Variants in NTAN1 observed in about 807,000 individuals in gnomAD.
NTAN1 encodes the protein protein N-terminal asparagine amidohydrolase.
Under a neutral mutation model 41.9 loss-of-function variants are expected in NTAN1, and 32 were observed. The observed-to-expected ratio is 0.76, with a 90% CI of 0.58 to 1.03. The LOEUF (loss-of-function observed/expected upper bound fraction) is 1.03, where lower values mean the gene tolerates loss of function less well. Ranked by LOEUF, NTAN1 falls within the 50% of genes least tolerant of loss-of-function variation. NTAN1 has a pLI of 0.00. For synonymous variants in NTAN1, 140 were observed against 139.5 expected, an observed-to-expected ratio of 1.00 and a Z score of -0.03; for missense variants, 377 against 377.5, an observed-to-expected ratio of 1.00 and a Z score of 0.01.
In NTAN1 at chr16:15,047,836, T is replaced by C. The variant is rs1271196059; in HGVS notation, c.250+19A>G. 1 of 1,598,996 alleles carries C rather than the reference T, an allele frequency of 6.3e-7. No homozygotes were observed. ...TGGGTCAGTTTAAGTAATGGTTTCC[T>C]TCACCTCTCTCATCATACCTGTGTG... On this transcript the variant is annotated intron_variant, in intron 3 of 9. Coordinates refer to ENST00000287706, the MANE Select transcript of NTAN1 (RefSeq NM_173474.4).
At position 15,039,993 on chromosome 16, in the gene NTAN1, A is replaced by G; in HGVS notation, c.615T>C (p.Ala205=). Residue 205 remains alanine, a synonymous_variant, in exon 8 of 10, where the codon GCT becomes GCC. Transcript: ENST00000287706. ...CTGGTCCTCCTGCTAAAGTTCGCGC[A>G]GCACGAAGCTGCTCCTCCGGACCCC... The part of the protein sequence containing the change: ...QDRGPEEQLR[A]ARTLAGGPMI... 6.2e-7 allele frequency: 1 copy of G among 1,608,320 alleles called. No individual in the cohort carries two copies. Among genetic ancestry groups the G allele is most frequent in the South Asian group, 1.1e-5 (1 of 90,820 alleles).
Position 15,047,238 on chromosome 16 carries a change from G to GACTCCTTGCCTGTGCCCAGCACCC in NTAN1, c.359+180_359+203dup, listed in dbSNP as rs1303371691. ...AGCCTTCCATCTCAAATCCAGCACA[G>GACTCCTTGCCTGTGCCCAGCACCC]ACTCCTTGCCTGTGCCCAGCACCCA... On this transcript the variant is annotated intron_variant, in intron 4 of 9. Coordinates refer to ENST00000287706, the MANE Select transcript of NTAN1 (RefSeq NM_173474.4). 34 of 557,562 alleles carry GACTCCTTGCCTGTGCCCAGCACCC rather than the reference G, an allele frequency of 6.1e-5. No homozygotes were observed. In the East Asian group the frequency reaches 1.0e-3, roughly 16 times the overall value. 34.5% of individuals were successfully genotyped at this position (557,562 alleles called of 1,614,324 possible).
chr16:15,046,334 T>G (rs943129894), intron 4 of NTAN1, among the ~76,000 whole-genome samples: 2 of 152,174 alleles, frequency 1.3e-5, no homozygotes, highest in Non-Finnish European at 2.9e-5. Flanking sequence ...TGCCTTAGAC[T>G]TCCAGTAAAA....
In NTAN1 at chr16:15,037,902, A is replaced by ATT; in HGVS notation, c.*127_*128dup. 1 of 595,296 alleles carries ATT rather than the reference A, an allele frequency of 1.7e-6. No individual in the cohort carries two copies. The highest frequency in any genetic ancestry group is 3.0e-6 in the Non-Finnish European group (1 of 335,316). The allele number at this position is 595,296 out of a possible 1,614,324, so 36.9% of individuals were successfully genotyped here. On this transcript the variant is annotated 3_prime_UTR_variant, in exon 10 of 10. Transcript: ENST00000287706. ...TTTTGAAAGTCATTTGATGAAAGTCATTTGAAAGACACTGAGGAGGGAAGG... is the reference window on the plus strand; with the variant it reads ...TTTTGAAAGTCATTTGATGAAAGTCATTTTTGAAAGACACTGAGGAGGGAAGG...
chr16:15,055,860 G>A (rs1482596620), intron 1 of NTAN1, 31 bp downstream of exon 1: 8 of 1,163,968 alleles, frequency 6.9e-6, no homozygotes, highest in Admixed American at 4.3e-5. Flanking sequence ...CCTCGGGCCC[G>A]CCCCGAAGCC....
At chr16:15,055,512 G>A (rs1222063930) in intron 1 of NTAN1, among the ~76,000 whole-genome samples, 1 of 152,252 alleles carries the variant, frequency 6.6e-6, no homozygotes, top group East Asian at 1.9e-4. Flanking sequence ...GTTCACCGCA[G>A]GCTGCGGGTC....
At chr16:15,046,694 T>C (rs1468517211) in intron 4 of NTAN1, among the ~76,000 whole-genome samples, 2 of 81,188 alleles carry the variant, frequency 2.5e-5, no homozygotes, top group African/African-American at 4.9e-5. Flanking sequence ...ACCCTGTCTC[T>C]ACCAAAAAAA....
chr16:15,041,550 G>T, intron 6 of NTAN1, 73 bp downstream of exon 6: 1 of 989,254 alleles, frequency 1.0e-6, no homozygotes, highest in Non-Finnish European at 1.6e-6. Context: ...CGGTGCTTGG[G>T]CCCACTGCAA....
Position 15,047,376 on chromosome 16 carries a change from C to T in NTAN1, c.359+66G>A. 8.5e-6 allele frequency: 9 copies of T among 1,052,856 alleles called. No homozygotes were observed. In the South Asian group the frequency reaches 1.1e-4, roughly 13 times the overall value. The allele number at this position is 1,052,856 out of a possible 1,614,324, so 65.2% of individuals were successfully genotyped here. A position where few individuals can be genotyped will look rare whatever the true frequency, so the allele number is the denominator to read the frequency against. ...TCCTGTGTTCCCCTAACAGCTTCCA[C>T]AGCCACGTCCTGTATGCGACGGTTC... is the stretch of plus-strand genomic sequence containing the variant. On this transcript the variant is annotated intron_variant, in intron 4 of 9. Coordinates refer to ENST00000287706, the MANE Select transcript of NTAN1 (RefSeq NM_173474.4).
chr16:15,051,798 T>C (rs1325627888), intron 1 of NTAN1, among the ~76,000 whole-genome samples: 11 of 150,302 alleles, frequency 7.3e-5, no homozygotes. Flanking sequence ...ACTCCTGGGC[T>C]CAAGCAATCC....
chr16:15,046,223 C>A (rs2044054881), intron 4 of NTAN1, among the ~76,000 whole-genome samples: 1 of 152,356 alleles, frequency 6.6e-6, no homozygotes, highest in South Asian at 2.1e-4. Flanking sequence ...TTAGAATCGA[C>A]CAGTATTGAC....
chr16:15,055,744 T>C, intron 1 of NTAN1, 147 bp downstream of exon 1: 1 of 412,488 alleles, frequency 2.4e-6, no homozygotes, highest in Admixed American at 4.6e-5. Flanking sequence ...CCCCGACCCC[T>C]CAAGGGGAAG....
At chr16:15,039,926 C>CTTT (rs34345533) in intron 8 of NTAN1, 43 bp downstream of exon 8, 11 of 1,009,284 alleles carry the variant, frequency 1.1e-5, no homozygotes, top group Admixed American at 2.3e-5. Flanking sequence ...CATTTGATGC[C>CTTT]TTTTTTTTTT....
chr16:15,050,707 G>A (rs1312390117), intron 1 of NTAN1, among the ~76,000 whole-genome samples: 1 of 151,938 alleles, frequency 6.6e-6, no homozygotes, highest in Non-Finnish European at 1.5e-5. Context: ...ACTCCAGCCT[G>A]GGTGACAGAC....
chr16:15,055,222 C>T (rs981322535), intron 1 of NTAN1, among the ~76,000 whole-genome samples: 29 of 152,194 alleles, frequency 1.9e-4, no homozygotes, highest in Admixed American at 9.8e-4. Flanking sequence ...TGCCAACAGT[C>T]CCTGCATAAG....
chr16:15,051,506 C>A (rs1199739400), intron 1 of NTAN1, among the ~76,000 whole-genome samples: 1 of 151,218 alleles, frequency 6.6e-6, no homozygotes, highest in Non-Finnish European at 1.5e-5. Flanking sequence ...GCCGACACAC[C>A]TGGCTAGTTT....
intron 1 of NTAN1, among the ~76,000 whole-genome samples, chr16:15,053,753 A>G (rs374483221): frequency 6.6e-6 from 1 of 152,244 alleles, no homozygotes; most frequent in East Asian, 1.9e-4. Flanking sequence ...TCTACTAAAA[A>G]TAAAAAAATT....
At position 15,039,080 on chromosome 16, in the gene NTAN1, G is replaced by C. The variant is rs186155159; in HGVS notation, c.640-393C>G. ...CTCATTATTTATACCCCAAACAACT[G>C]ATCACCTTGCAATTTAAAAGCATAC... On this transcript the variant is annotated intron_variant, in intron 8 of 9. Transcript: ENST00000287706. Among the ~76,000 whole-genome samples, 21 of 152,238 alleles carry C rather than the reference G, an allele frequency of 1.4e-4. No individual in the cohort carries two copies. In the East Asian group the frequency reaches 3.9e-3, roughly 28 times the overall value.
intron 5 of NTAN1, among the ~76,000 whole-genome samples, chr16:15,042,243 T>C (rs2043850378): frequency 6.7e-6 from 1 of 150,228 alleles, no homozygotes; most frequent in Non-Finnish European, 1.5e-5. Context: ...TGGAGTGCAG[T>C]GGAGCGATCT....
Sources: allele counts gnomAD v4.1 joint callset (sites outside exome capture counted in the v4.1 genomes callset), GRCh38; gene constraint gnomAD v4.1.1; transcripts MANE v1.5; gene names NCBI Gene and HGNC (gene_info 2026-07-23, HGNC 2026-07-21).